Variants in CNTNAP5 observed in about 807,000 individuals in gnomAD.
CNTNAP5 encodes contactin-associated protein-like 5.
In CNTNAP5, 72 loss-of-function variants were observed where a neutral mutation model predicts 150.2. That is an observed-to-expected ratio of 0.48 (90% CI 0.40 to 0.58). The LOEUF (loss-of-function observed/expected upper bound fraction) is 0.58, where lower values mean the gene tolerates loss of function less well. Ranked by LOEUF, CNTNAP5 falls within the 20% of genes least tolerant of loss-of-function variation. The pLI, the probability that CNTNAP5 is intolerant of heterozygous loss-of-function variation, is 0.00. For synonymous variants in CNTNAP5, 672 were observed against 619.8 expected, an observed-to-expected ratio of 1.08 and a Z score of -1.25; for missense variants, 1,636 against 1,626.2, an observed-to-expected ratio of 1.01 and a Z score of -0.10.
chr2:124,434,717 A>C (rs1238423388), intron 5 of CNTNAP5, 30 bp downstream of exon 5: 9 of 1,559,806 alleles, frequency 5.8e-6, no homozygotes, highest in East Asian at 2.3e-5. Context: ...TCCAATGCCA[A>C]GGGATGGAGA....
chr2:124,281,810 G>A (rs906654067), intron 3 of CNTNAP5, among the ~76,000 whole-genome samples: 1 of 152,156 alleles, frequency 6.6e-6, no homozygotes, highest in Non-Finnish European at 1.5e-5. Flanking sequence ...GAAAGCGAGA[G>A]GCATCTTTTA....
intron 13 of CNTNAP5, among the ~76,000 whole-genome samples, chr2:124,726,435 T>C (rs1420324148): frequency 6.6e-6 from 1 of 152,120 alleles, no homozygotes; most frequent in Admixed American, 6.6e-5. Flanking sequence ...CCATGTAAGA[T>C]GTGCCTTGCT....
At chr2:124,402,871 G>A (rs2104760315) in intron 3 of CNTNAP5, among the ~76,000 whole-genome samples, 1 of 152,278 alleles carries the variant, frequency 6.6e-6, no homozygotes, top group Admixed American at 6.5e-5. Context: ...GCTACCAGTA[G>A]TGGCCAGTGC....
chr2:124,444,439 T>TA (rs918376483), intron 5 of CNTNAP5, among the ~76,000 whole-genome samples: 2 of 151,712 alleles, frequency 1.3e-5, no homozygotes, highest in African/African-American at 2.4e-5. Context: ...ACCAAAAATA[T>TA]AAAAAATTAG....
At chr2:124,101,120 C>T (rs1361719785) in intron 1 of CNTNAP5, among the ~76,000 whole-genome samples, 1 of 152,074 alleles carries the variant, frequency 6.6e-6, no homozygotes, top group African/African-American at 2.4e-5. Context: ...TATGCGAATG[C>T]TTGGAAGATT....
chr2:124,796,134 A>T (rs1681841337), intron 18 of CNTNAP5, among the ~76,000 whole-genome samples: 3 of 152,202 alleles, frequency 2.0e-5, no homozygotes, highest in African/African-American at 7.2e-5. Context: ...CAATATTTAA[A>T]TATTAAAAAT....
chr2:124,093,724 G>T (rs949875468), intron 1 of CNTNAP5, among the ~76,000 whole-genome samples: 2 of 151,978 alleles, frequency 1.3e-5, no homozygotes, highest in African/African-American at 4.8e-5. Context: ...TTCATACTTG[G>T]GTATAAGATA....
chr2:124,510,779 A>T (rs1398961778), intron 8 of CNTNAP5, among the ~76,000 whole-genome samples: 2 of 152,086 alleles, frequency 1.3e-5, no homozygotes, highest in East Asian at 1.9e-4. Flanking sequence ...TCAGAATTCA[A>T]ACTGAAAGAT....
rs867709496 is a variant in CNTNAP5, at chr2:124,148,367, T to C, written c.83-73338T>C. ...TTGGTTTCCACATTCCAAAAACTAA[T>C]TGAGAAAACATTTTACTATGGAAAT... is the stretch of plus-strand genomic sequence containing the variant. On this transcript the variant is annotated intron_variant, in intron 1 of 23. Transcript: ENST00000682447. 6.3e-4 allele frequency among the ~76,000 whole-genome samples: 95 copies of C among 150,682 alleles called. 1 individual carries two copies. The highest frequency in any genetic ancestry group is 2.3e-3 in the African/African-American group (93 of 41,148).
intron 3 of CNTNAP5, among the ~76,000 whole-genome samples, chr2:124,271,544 G>C (rs1485537902): frequency 6.6e-6 from 1 of 152,084 alleles, no homozygotes; most frequent in Non-Finnish European, 1.5e-5. Context: ...AAAGGTAATG[G>C]AGTCAACAAA....
intron 13 of CNTNAP5, among the ~76,000 whole-genome samples, chr2:124,662,285 A>G (rs1678608479): frequency 6.6e-6 from 1 of 152,178 alleles, no homozygotes; most frequent in Non-Finnish European, 1.5e-5. Context: ...GCTGTGATAA[A>G]CATACGTGTG....
chr2:124,040,347 C>T (rs892774901), intron 1 of CNTNAP5, among the ~76,000 whole-genome samples: 4 of 151,974 alleles, frequency 2.6e-5, no homozygotes, highest in African/African-American at 7.2e-5. Context: ...AGCACCTTGG[C>T]CTTGGAGTTT....
At position 124,772,829 on chromosome 2, in the gene CNTNAP5, T is replaced by C. The variant is rs1681233460; in HGVS notation, c.2564T>C (p.Val855Ala). The part of the protein sequence containing the change: ...SPSEITFAID[V>A]GNGPVELVVQ... ...TCAGAGATCACCTTTGCCATCGATG[T>C]TGGGAATGGTCCTGTGGAGCTTGTA... The change falls in exon 17 of 24, where the codon GTT becomes GCT. Residue 855 changes from valine to alanine, a missense_variant. Physicochemically the swap from Val to Ala is moderately conservative, Grantham distance 64. Coordinates refer to ENST00000682447, the MANE Select transcript of CNTNAP5 (RefSeq NM_001367498.1). 1 of 1,613,730 alleles carries C rather than the reference T, an allele frequency of 6.2e-7. No homozygotes were observed. Among genetic ancestry groups the C allele is most frequent in the East Asian group, 2.2e-5 (1 of 44,862 alleles).
At chr2:124,486,174 CTA>C (rs1693876189) in intron 7 of CNTNAP5, among the ~76,000 whole-genome samples, 1 of 152,180 alleles carries the variant, frequency 6.6e-6, no homozygotes, top group Non-Finnish European at 1.5e-5. Flanking sequence ...GAATTAGAGA[CTA>C]TTATTCTACG....
At chr2:124,849,472 C>T (rs556467058) in intron 19 of CNTNAP5, among the ~76,000 whole-genome samples, 1 of 152,184 alleles carries the variant, frequency 6.6e-6, no homozygotes, top group South Asian at 2.1e-4. Flanking sequence ...AAGTGTGATG[C>T]CTCCAGCCTT....
chr2:124,769,190 T>C (rs1470975678), intron 16 of CNTNAP5, among the ~76,000 whole-genome samples: 1 of 152,096 alleles, frequency 6.6e-6, no homozygotes, highest in East Asian at 1.9e-4. Flanking sequence ...GGCTTGGTGG[T>C]CAGTCCTGGA....
intron 1 of CNTNAP5, among the ~76,000 whole-genome samples, chr2:124,159,739 C>T (rs981330323): frequency 6.6e-6 from 1 of 152,084 alleles, no homozygotes; most frequent in African/African-American, 2.4e-5. Flanking sequence ...TGAATAAGAA[C>T]CTTGTGGTCT....
intron 13 of CNTNAP5, among the ~76,000 whole-genome samples, chr2:124,745,449 C>A (rs1478221660): frequency 1.3e-5 from 2 of 152,130 alleles, no homozygotes; most frequent in African/African-American, 4.8e-5. Context: ...TGGCTGGACT[C>A]ATGCTGTGAT....
chr2:124,679,232 T>A (rs1190820666), intron 13 of CNTNAP5, among the ~76,000 whole-genome samples: 1 of 151,836 alleles, frequency 6.6e-6, no homozygotes, highest in Non-Finnish European at 1.5e-5. Flanking sequence ...AGGAGATGAA[T>A]TGAGCCAAGA....
Sources: allele counts gnomAD v4.1 joint callset (sites outside exome capture counted in the v4.1 genomes callset), GRCh38; gene constraint gnomAD v4.1.1; transcripts MANE v1.5; gene names NCBI Gene and HGNC (gene_info 2026-07-23, HGNC 2026-07-21).